Variants in GRIN2A observed in about 807,000 individuals in gnomAD.
GRIN2A encodes the protein glutamate ionotropic receptor NMDA type subunit 2A.
Under a neutral mutation model 113.4 loss-of-function variants are expected in GRIN2A, and 22 were observed. That is an observed-to-expected ratio of 0.19 (90% CI 0.14 to 0.28). GRIN2A has a LOEUF of 0.28. GRIN2A is among the 10% of genes least tolerant of loss of function. The probability of loss-of-function intolerance (pLI) is 1.00; values close to 1 mark genes in which losing one functional copy is unlikely to be tolerated. For missense variants in GRIN2A, 1,502 were observed against 1,887.0 expected, an observed-to-expected ratio of 0.80 and a Z score of 3.78; for synonymous variants, 827 against 738.4, an observed-to-expected ratio of 1.12 and a Z score of -1.94.
At position 10,172,665 on chromosome 16, in the gene GRIN2A, G is replaced by A. The variant is rs144832710; in HGVS notation, c.414+7333C>T. On this transcript the variant is annotated intron_variant, in intron 2 of 12. Coordinates refer to ENST00000330684, the MANE Select transcript of GRIN2A (RefSeq NM_001134407.3). ...CATCTCCAGCCAACTGTTGCCATAG[G>A]GGGAATCGGGGCCAGTATGGCCAGG... 1.8e-3 allele frequency among the ~76,000 whole-genome samples: 272 copies of A among 152,352 alleles called. 1 individual carries two copies. The highest frequency in any genetic ancestry group is 6.1e-3 in the African/African-American group (253 of 41,574).
rs1900302881 is a variant in GRIN2A, at chr16:9,755,168, G to A, written c.*7981C>T. On this transcript the variant is annotated 3_prime_UTR_variant, in exon 13 of 13. Coordinates refer to ENST00000330684, the MANE Select transcript of GRIN2A (RefSeq NM_001134407.3). ...AATTATGAGTGATAATCTCAGTTTT[G>A]TCTTCTTCGTTTCTGCAGACCGCTG... 5.2e-6 allele frequency: 1 copy of A among 192,980 alleles called. No individual in the cohort carries two copies. The highest frequency in any genetic ancestry group is 8.1e-5 in the East Asian group (1 of 12,302). The allele number at this position is 192,980 out of a possible 1,614,324, so 12.0% of individuals were successfully genotyped here.
chr16:10,011,760 G>T (rs980142214), intron 2 of GRIN2A, among the ~76,000 whole-genome samples: 4 of 152,258 alleles, frequency 2.6e-5, no homozygotes, highest in Admixed American at 2.6e-4. Context: ...GTGGGAATCT[G>T]CTTTGTGGCG....
At chr16:9,960,639 A>G (rs2045420135) in intron 2 of GRIN2A, among the ~76,000 whole-genome samples, 1 of 152,076 alleles carries the variant, frequency 6.6e-6, no homozygotes. Context: ...TTATGTATTT[A>G]TTTCAGACAA....
intron 2 of GRIN2A, among the ~76,000 whole-genome samples, chr16:10,104,695 G>A (rs919753326): frequency 1.3e-5 from 2 of 152,026 alleles, no homozygotes; most frequent in African/African-American, 4.8e-5. Flanking sequence ...GATTCCCTAG[G>A]CAAAAAGTGC....
chr16:9,926,565 C>T (rs746158160), intron 3 of GRIN2A, among the ~76,000 whole-genome samples: 44 of 152,154 alleles, frequency 2.9e-4, no homozygotes, highest in Non-Finnish European at 5.4e-4. Context: ...CCTGTTATTG[C>T]TCATTCTAAT....
At chr16:9,786,977 C>T (rs1902268040) in intron 11 of GRIN2A, among the ~76,000 whole-genome samples, 1 of 152,134 alleles carries the variant, frequency 6.6e-6, no homozygotes, top group African/African-American at 2.4e-5. Flanking sequence ...GGGTTTTATT[C>T]CATGCTATAT....
intron 11 of GRIN2A, among the ~76,000 whole-genome samples, chr16:9,789,104 A>G (rs556246247): frequency 1.6e-4 from 25 of 152,174 alleles, no homozygotes; most frequent in Admixed American, 4.6e-4. Context: ...CTTGTTCTGT[A>G]AAAGGCCAGA....
At chr16:9,822,723 AC>A (rs1380827082) in intron 9 of GRIN2A, among the ~76,000 whole-genome samples, 1 of 152,134 alleles carries the variant, frequency 6.6e-6, no homozygotes, top group African/African-American at 2.4e-5. Flanking sequence ...GTTGAGTTGA[AC>A]TTTTCAGTGC....
At chr16:9,768,726 T>A (rs1431521153) in intron 12 of GRIN2A, 125 bp downstream of exon 12, 1 of 786,120 alleles carries the variant, frequency 1.3e-6, no homozygotes, top group Non-Finnish European at 2.3e-6. Context: ...ATCTGGATGC[T>A]CTTGTGACAT....
chr16:9,804,240 T>G (rs568336622), intron 10 of GRIN2A, among the ~76,000 whole-genome samples: 14 of 152,278 alleles, frequency 9.2e-5, no homozygotes, highest in South Asian at 8.3e-4. Context: ...TGGTCTGATG[T>G]GGACCAATGG....
At position 10,180,888 on chromosome 16, in the gene GRIN2A, G is replaced by A. The variant is rs997067570; in HGVS notation, c.-18-459C>T. On this transcript the variant is annotated intron_variant, in intron 1 of 12. Transcript: ENST00000330684. The surrounding 1 kb of genome is among the most constrained non-coding windows in gnomAD (Gnocchi z 7.0). ...CAACCCCGCCCCCTGCTGGCGCGGAGCGAACTACAGACCCCGCAGGGCGTG... is the reference window on the plus strand; with the variant it reads ...CAACCCCGCCCCCTGCTGGCGCGGAACGAACTACAGACCCCGCAGGGCGTG... The A allele has an allele frequency of 4.8e-6, 1 of 207,240 alleles. No individual in the cohort carries two copies. Among genetic ancestry groups the A allele is most frequent in the Non-Finnish European group, 9.9e-6 (1 of 100,902 alleles). 12.8% of individuals were successfully genotyped at this position (207,240 alleles called of 1,614,324 possible).
At chr16:10,143,269 T>G (rs1218239624) in intron 2 of GRIN2A, among the ~76,000 whole-genome samples, 1 of 152,234 alleles carries the variant, frequency 6.6e-6, no homozygotes, top group African/African-American at 2.4e-5. Context: ...GCTAAGGGCC[T>G]CCTTAACGTG....
chr16:9,791,351 T>TA (rs944276852), intron 11 of GRIN2A, among the ~76,000 whole-genome samples: 222 of 150,556 alleles, frequency 1.5e-3, no homozygotes, highest in Non-Finnish European at 2.5e-3. Flanking sequence ...CACACTTATC[T>TA]AAAAAAAAAA....
At chr16:9,987,244 T>C (rs2045995043) in intron 2 of GRIN2A, among the ~76,000 whole-genome samples, 1 of 152,250 alleles carries the variant, frequency 6.6e-6, no homozygotes, top group African/African-American at 2.4e-5. Context: ...CCTCGCTAAA[T>C]GATTTTAGGC....
chr16:9,963,029 C>G (rs1216335390), intron 2 of GRIN2A, among the ~76,000 whole-genome samples: 1 of 150,266 alleles, frequency 6.7e-6, no homozygotes, highest in Middle Eastern at 3.4e-3. Context: ...GGACAAAAAA[C>G]CAAACACCAC....
At chr16:10,133,635 A>C (rs115483800) in intron 2 of GRIN2A, among the ~76,000 whole-genome samples, 2 of 152,208 alleles carry the variant, frequency 1.3e-5, no homozygotes, top group Admixed American at 1.3e-4. Context: ...TAAATAAATA[A>C]ATAAATCTCA....
intron 3 of GRIN2A, among the ~76,000 whole-genome samples, chr16:9,937,306 T>C (rs2044735427): frequency 6.6e-6 from 1 of 152,040 alleles, no homozygotes; most frequent in Non-Finnish European, 1.5e-5. Flanking sequence ...GATAGCATAA[T>C]AGGGTGACTA....
At chr16:10,094,883 CAAA>C (rs58041208) in intron 2 of GRIN2A, among the ~76,000 whole-genome samples, 8,592 of 117,352 alleles carry the variant, frequency 0.073, 526 homozygotes, top group African/African-American at 0.2. Context: ...GAATGTGCAC[CAAA>C]AAAAAAAAAA....
intron 2 of GRIN2A, among the ~76,000 whole-genome samples, chr16:9,979,624 T>C (rs2045847336): frequency 6.6e-6 from 1 of 152,056 alleles, no homozygotes; most frequent in South Asian, 2.1e-4. Flanking sequence ...CACCTGTGTA[T>C]TGATGTCTCC....
Sources: gnomAD v4.1 joint callset for allele counts (sites outside exome capture counted in the v4.1 genomes callset) on GRCh38, gnomAD v4.1.1 for gene constraint, Gnocchi (gnomAD v3.1) non-coding constraint, MANE v1.5 for transcripts, NCBI Gene and HGNC (gene_info 2026-07-23, HGNC 2026-07-21) for gene names.